Variants in MAPK10 observed in about 807,000 individuals in gnomAD.
MAPK10 encodes JNK3 alpha protein kinase.
In MAPK10, 25 loss-of-function variants were observed where a neutral mutation model predicts 59.3. The ratio of observed to expected loss-of-function variants is 0.42; its 90% confidence interval spans 0.31 to 0.59. The LOEUF (loss-of-function observed/expected upper bound fraction) is 0.59, where lower values mean the gene tolerates loss of function less well. MAPK10 is among the 20% of genes least tolerant of loss of function. MAPK10 has a pLI of 0.15. For missense variants in MAPK10, 351 were observed against 568.9 expected (o/e 0.62, Z 3.90); for synonymous variants, 190 against 200.5 (o/e 0.95, Z 0.44).
intron 1 of MAPK10, among the ~76,000 whole-genome samples, chr4:86,365,430 TCAAAAAAAAAAAA>T (rs1173410191): frequency 3.8e-4 from 4 of 10,470 alleles, no homozygotes; most frequent in East Asian, 4.0e-3. Flanking sequence ...AGACTCTGTC[TCAAAAAAAAAAAA>T]AAAAAAAAAA....
At position 86,096,350 on chromosome 4, in the gene MAPK10, T is replaced by G. The variant is rs995386669; in HGVS notation, c.802+2174A>C. ...AAAATAAAATTATCAATATGGTGCT[T>G]TGTTTTTTTGTTTGTTTTTCTGAAG... On this transcript the variant is annotated intron_variant, in intron 9 of 13. Transcript: ENST00000641462. Among the ~76,000 whole-genome samples the G allele has an allele frequency of 2.6e-5, 4 of 151,924 alleles. No homozygotes were observed. In the East Asian group the frequency reaches 5.8e-4, roughly 22 times the overall value.
chr4:86,341,459 A>T (rs1724864418), intron 2 of MAPK10, among the ~76,000 whole-genome samples: 2 of 152,190 alleles, frequency 1.3e-5, no homozygotes, highest in Non-Finnish European at 2.9e-5. Context: ...CAAAAAGGAA[A>T]ATGGCAAGCC....
At chr4:86,108,875 T>G (rs2149087511) in intron 4 of MAPK10, among the ~76,000 whole-genome samples, 1 of 152,276 alleles carries the variant, frequency 6.6e-6, no homozygotes, top group Non-Finnish European at 1.5e-5. Context: ...CACTCTTAAC[T>G]CTTAGCTTTT....
At chr4:86,031,346 C>A in intron 12 of MAPK10, 22 bp downstream of exon 12, 1 of 1,545,304 alleles carries the variant, frequency 6.5e-7, no homozygotes, top group Non-Finnish European at 8.9e-7. Flanking sequence ...AAAAAGTATA[C>A]TTTTTTAAGT....
intron 2 of MAPK10, among the ~76,000 whole-genome samples, chr4:86,333,624 T>C (rs2096206702): frequency 6.6e-6 from 1 of 152,206 alleles, no homozygotes; most frequent in African/African-American, 2.4e-5. Flanking sequence ...TTCTGGACAG[T>C]GCACTCCCAT....
intron 2 of MAPK10, among the ~76,000 whole-genome samples, chr4:86,201,572 C>T (rs1410305562): frequency 2.0e-5 from 3 of 151,822 alleles, no homozygotes; most frequent in Non-Finnish European, 4.4e-5. Context: ...TATAGAAATG[C>T]TTTATCTATT....
intron 2 of MAPK10, chr4:86,300,452 T>A (rs1006493347): frequency 8.0e-5 from 12 of 149,944 alleles, no homozygotes; most frequent in African/African-American, 2.9e-4. Flanking sequence ...CAATATCATT[T>A]AGATCAATTT....
At position 86,017,300 on chromosome 4, in the gene MAPK10, G is replaced by C. The variant is rs146719773; in HGVS notation, c.1323C>G (p.Thr441=). 4 of 1,614,120 alleles carry C rather than the reference G, an allele frequency of 2.5e-6. No homozygotes were observed. In the South Asian group the frequency reaches 4.4e-5, roughly 18 times the overall value. The change falls in exon 14 of 14, where the codon ACC becomes ACG. Residue 441 remains threonine (T), a synonymous_variant. Coordinates refer to ENST00000641462, the MANE Select transcript of MAPK10 (RefSeq NM_138982.4). This position sits in a 1 kb window ranked among gnomAD's most constrained non-coding sequence, Gnocchi z 4.4. ...SSVNDISSMS[T]DQTLASDTDS... is the part of the protein sequence containing the mutation. ...CAGTGTCAGATGCCAGGGTCTGGTCGGTGGACATGGAGGAGATGTCATTGA... is the reference window on the plus strand; with the variant it reads ...CAGTGTCAGATGCCAGGGTCTGGTCCGTGGACATGGAGGAGATGTCATTGA...
intron 1 of MAPK10, among the ~76,000 whole-genome samples, chr4:86,520,370 C>T (rs938123766): frequency 1.3e-5 from 2 of 152,090 alleles, no homozygotes; most frequent in African/African-American, 4.8e-5. Flanking sequence ...TCTTCAAGTT[C>T]TGAAGTTCTT....
intron 13 of MAPK10, chr4:86,027,568 G>A (rs1306167102): frequency 6.6e-6 from 1 of 152,198 alleles, no homozygotes. Flanking sequence ...AATGGTGTAA[G>A]AACATGCTGA....
At chr4:86,394,771 C>T (rs1169296265) in intron 1 of MAPK10, among the ~76,000 whole-genome samples, 1 of 152,142 alleles carries the variant, frequency 6.6e-6, no homozygotes, top group Non-Finnish European at 1.5e-5. Context: ...TTTGGATCTA[C>T]AATGACAGAG....
At chr4:86,250,972 A>G (rs11097103) in intron 2 of MAPK10, among the ~76,000 whole-genome samples, 49,822 of 151,910 alleles carry the variant, frequency 0.33, 11,103 homozygotes, top group African/African-American at 0.64. Context: ...TGAACCAACT[A>G]GCCAATAATT....
intron 1 of MAPK10, among the ~76,000 whole-genome samples, chr4:86,382,011 C>T (rs1396907877): frequency 6.6e-6 from 1 of 152,104 alleles, no homozygotes; most frequent in Non-Finnish European, 1.5e-5. Flanking sequence ...TATTGACATT[C>T]GGAGCCAATA....
intron 2 of MAPK10, among the ~76,000 whole-genome samples, chr4:86,311,411 G>A (rs2095667082): frequency 6.6e-6 from 1 of 151,996 alleles, no homozygotes. Context: ...ATACCTTTAG[G>A]ATAGTTCTTG....
chr4:86,379,395 T>A (rs571197149), intron 1 of MAPK10, among the ~76,000 whole-genome samples: 3 of 152,198 alleles, frequency 2.0e-5, no homozygotes, highest in Non-Finnish European at 4.4e-5. Context: ...TTCCTTTTTG[T>A]TACTGAACTT....
intron 1 of MAPK10, among the ~76,000 whole-genome samples, chr4:86,372,564 G>GAAAGGAAGGAAGGAAAAGAAAAGA (rs1554253764): frequency 1.9e-4 from 15 of 78,690 alleles, no homozygotes; most frequent in African/African-American, 6.7e-4. Context: ...AAGAAAGAAA[G>GAAAGGAAGGAAGGAAAAGAAAAGA]AAAGAAAAGA....
At chr4:86,528,294 C>G (rs1292804788) in intron 1 of MAPK10, among the ~76,000 whole-genome samples, 1 of 151,342 alleles carries the variant, frequency 6.6e-6, no homozygotes, top group African/African-American at 2.4e-5. Context: ...TGATATAGAA[C>G]TAGATGACTA....
At chr4:86,138,723 T>A (rs2062844747) in intron 4 of MAPK10, among the ~76,000 whole-genome samples, 1 of 151,718 alleles carries the variant, frequency 6.6e-6, no homozygotes, top group Non-Finnish European at 1.5e-5. Context: ...CGGTATTCAA[T>A]TAGGAACAGA....
intron 2 of MAPK10, among the ~76,000 whole-genome samples, chr4:86,207,490 C>A (rs1378827124): frequency 3.3e-5 from 5 of 151,950 alleles, no homozygotes; most frequent in Non-Finnish European, 7.4e-5. Context: ...TGATGCCTCC[C>A]GTTTTGTTCT....
Sources: gnomAD v4.1 joint callset for allele counts (sites outside exome capture counted in the v4.1 genomes callset) on GRCh38, gnomAD v4.1.1 for gene constraint, Gnocchi (gnomAD v3.1) non-coding constraint, MANE v1.5 for transcripts, NCBI Gene and HGNC (gene_info 2026-07-23, HGNC 2026-07-21) for gene names.